The following COMMD2 variants were observed in gnomAD, a reference collection of about 807,000 sequenced individuals.
The protein encoded by COMMD2 is COMM domain-containing protein 2.
A neutral mutation model predicts 22.5 loss-of-function variants in COMMD2; 25 were observed. The ratio of observed to expected loss-of-function variants is 1.11; its 90% CI spans 0.81 to 1.55. COMMD2 has a LOEUF of 1.55. COMMD2 is among the 40% of genes most tolerant of loss of function. COMMD2 has a pLI of 0.00. For missense variants in COMMD2, 223 were observed against 232.9 expected, an observed-to-expected ratio of 0.96 and a Z score of 0.28; for synonymous variants, 98 against 91.2, an observed-to-expected ratio of 1.07 and a Z score of -0.42.
intron 4 of COMMD2, among the ~76,000 whole-genome samples, chr3:149,746,020 T>G (rs1299594859): frequency 6.6e-6 from 1 of 152,188 alleles, no homozygotes; most frequent in Non-Finnish European, 1.5e-5. Flanking sequence ...TCATTCTCAT[T>G]TGTGATTTGA....
chr3:149,741,617 G>A lies in COMMD2; in HGVS notation c.504C>T (p.Asp168=). The A allele has an allele frequency of 6.2e-7, 1 of 1,614,056 alleles. No homozygotes were observed. The highest frequency in any genetic ancestry group is 8.5e-7 in the Non-Finnish European group (1 of 1,180,000). The change falls in exon 5 of 5, where the codon GAC becomes GAT. Residue 168 remains aspartate (D), a synonymous_variant. Coordinates refer to ENST00000473414, the MANE Select transcript of COMMD2 (RefSeq NM_016094.4). The part of the protein sequence containing the change: ...GDHNTKVLQT[D]PATLLHLVQQ... ...GAACCAAATGGAGCAGGGTGGCTGGGTCTGTCTGCAGAACTTTGGTGTTGT... is the reference window on the plus strand; with the variant it reads ...GAACCAAATGGAGCAGGGTGGCTGGATCTGTCTGCAGAACTTTGGTGTTGT...
rs1716137722 is a variant in COMMD2 at position 149,738,998 on chromosome 3, A to G, written c.*2523T>C. ...AACATATGTAGACTTTGTGACACAT[A>G]TATTGGCATGTGGTCACAGCTCTGT... On this transcript the variant is annotated 3_prime_UTR_variant, in exon 5 of 5. Coordinates refer to ENST00000473414, the MANE Select transcript of COMMD2 (RefSeq NM_016094.4). 6.6e-6 allele frequency: 1 copy of G among 152,180 alleles called. No homozygotes were observed. The highest frequency in any genetic ancestry group is 1.5e-5 in the Non-Finnish European group (1 of 68,018). The allele number at this position is 152,180 out of a possible 1,614,324, so 9.4% of individuals were successfully genotyped here.
rs1273296100 is a variant in COMMD2, at chr3:149,738,988, T to C, written c.*2533A>G. ...CAAGGAATGTAACATATGTAGACTT[T>C]GTGACACATATATTGGCATGTGGTC... On this transcript the variant is annotated 3_prime_UTR_variant, in exon 5 of 5. Transcript: ENST00000473414. The C allele has an allele frequency of 2.6e-5, 4 of 152,330 alleles. No individual in the cohort carries two copies. The highest frequency in any genetic ancestry group is 3.9e-4 in the East Asian group (2 of 5,184). The allele number at this position is 152,330 out of a possible 1,614,324, so 9.4% of individuals were successfully genotyped here. A position where few individuals can be genotyped will look rare whatever the true frequency, so the allele number is the denominator to read the frequency against.
chr3:149,750,877 A>G, intron 3 of COMMD2, 26 bp from the exon 4 acceptor site: 9 of 1,418,838 alleles, frequency 6.3e-6, no homozygotes, highest in Non-Finnish European at 8.7e-6. Context: ...TTAAAAGAAC[A>G]TCAAAATTTA....
chr3:149,742,402 A>C (rs1387771653), intron 4 of COMMD2, among the ~76,000 whole-genome samples: 9 of 152,238 alleles, frequency 5.9e-5, no homozygotes, highest in Admixed American at 5.9e-4. Context: ...CACTAGGCAT[A>C]TACCTTAACC....
rs754865575 is a variant in COMMD2 at position 149,739,747 on chromosome 3, GT to G, written c.*1773del. On this transcript the variant is annotated 3_prime_UTR_variant, in exon 5 of 5. Coordinates refer to ENST00000473414, the MANE Select transcript of COMMD2 (RefSeq NM_016094.4). ...ATTTCACGTAATAAAGTTTCTTTTT[GT>G]TTGTGAGGTTGTATATGAGAGCTTC... 1 of 152,076 alleles carries G rather than the reference GT, an allele frequency of 6.6e-6. No homozygotes were observed. Among genetic ancestry groups the G allele is most frequent in the African/African-American group, 2.4e-5 (1 of 41,418 alleles). The allele number at this position is 152,076 out of a possible 1,614,324, so 9.4% of individuals were successfully genotyped here.
chr3:149,748,633 A>G (rs1448521296), intron 4 of COMMD2, among the ~76,000 whole-genome samples: 2 of 152,242 alleles, frequency 1.3e-5, no homozygotes, highest in Non-Finnish European at 2.9e-5. Flanking sequence ...AAAGAACGAG[A>G]TAATATTTTA....
intron 4 of COMMD2, among the ~76,000 whole-genome samples, chr3:149,742,774 C>A (rs1408701106): frequency 6.6e-6 from 1 of 151,790 alleles, no homozygotes; most frequent in East Asian, 1.9e-4. Context: ...TGAGACCAGC[C>A]CGGCCAACAT....
intron 4 of COMMD2, among the ~76,000 whole-genome samples, chr3:149,748,288 G>C (rs181289633): frequency 6.6e-6 from 1 of 152,260 alleles, no homozygotes; most frequent in East Asian, 1.9e-4. Flanking sequence ...GGTACATGTG[G>C]GAGTTCTTTC....
At chr3:149,748,898 G>A (rs1436118983) in intron 4 of COMMD2, among the ~76,000 whole-genome samples, 1 of 152,184 alleles carries the variant, frequency 6.6e-6, no homozygotes, top group Non-Finnish European at 1.5e-5. Flanking sequence ...TCACATAGAG[G>A]AAAAATAATG....
intron 4 of COMMD2, among the ~76,000 whole-genome samples, chr3:149,746,774 T>C (rs955235343): frequency 6.6e-6 from 1 of 152,116 alleles, no homozygotes; most frequent in East Asian, 1.9e-4. Context: ...ACAGCGAGAC[T>C]CTGTCTCAAA....
In COMMD2 at chr3:149,750,731, A is replaced by G. The variant is rs756490850; in HGVS notation, c.349T>C (p.Leu117=). 7 of 1,603,906 alleles carry G rather than the reference A, an allele frequency of 4.4e-6. No individual in the cohort carries two copies. In the South Asian group the frequency reaches 5.6e-5, roughly 13 times the overall value. Residue 117 remains leucine (L), a synonymous_variant, in exon 4 of 5, where the codon TTG becomes CTG. Transcript: ENST00000473414. ...TGATAACTGGGAAGGCTTGGTGCCA[A>G]TTCACTCAGAATCGTTCTGATCTCT... ...RKEIRTILSE[L]APSLPSYHNL... is the part of the protein sequence containing the mutation.
chr3:149,744,160 CA>C (rs1276442616), intron 4 of COMMD2, among the ~76,000 whole-genome samples: 1 of 150,898 alleles, frequency 6.6e-6, no homozygotes, highest in Non-Finnish European at 1.5e-5. Flanking sequence ...ACAATAAAAG[CA>C]ACTTTAAAAT....
chr3:149,749,468 AAAG>A (rs1716467567), intron 4 of COMMD2, among the ~76,000 whole-genome samples: 1 of 152,230 alleles, frequency 6.6e-6, no homozygotes, highest in Non-Finnish European at 1.5e-5. Context: ...ACCTGGGTGA[AAAG>A]AAGCTTTAAA....
intron 4 of COMMD2, among the ~76,000 whole-genome samples, chr3:149,746,421 G>C (rs941346686): frequency 1.3e-5 from 2 of 152,118 alleles, no homozygotes; most frequent in Admixed American, 6.5e-5. Flanking sequence ...TCAGTAGAGA[G>C]GGGGTGTATT....
intron 2 of COMMD2, chr3:149,751,955 A>G: frequency 2.3e-6 from 1 of 432,666 alleles, no homozygotes; most frequent in Non-Finnish European, 4.1e-6. Context: ...AACACTTTTC[A>G]GTATTTCTGA....
chr3:149,749,151 A>C (rs1400717499), intron 4 of COMMD2, among the ~76,000 whole-genome samples: 1 of 152,090 alleles, frequency 6.6e-6, no homozygotes, highest in Non-Finnish European at 1.5e-5. Flanking sequence ...AGTAGCTGGG[A>C]CTACAGGCAT....
At chr3:149,743,177 T>C (rs1015241706) in intron 4 of COMMD2, among the ~76,000 whole-genome samples, 3 of 152,140 alleles carry the variant, frequency 2.0e-5, no homozygotes, top group Non-Finnish European at 4.4e-5. Flanking sequence ...TTCATTTGTA[T>C]AATATGTTCC....
chr3:149,747,369 T>C (rs997032279), intron 4 of COMMD2, among the ~76,000 whole-genome samples: 1 of 152,140 alleles, frequency 6.6e-6, no homozygotes, highest in Admixed American at 6.5e-5. Context: ...GGCAATTAGA[T>C]AGAATCAGCA....
Sources: allele counts gnomAD v4.1 joint callset (sites outside exome capture counted in the v4.1 genomes callset), GRCh38; gene constraint gnomAD v4.1.1; transcripts MANE v1.5; gene names NCBI Gene and HGNC (gene_info 2026-07-23, HGNC 2026-07-21).